Variants in IGF1R observed in about 807,000 individuals in gnomAD.
The protein encoded by IGF1R is insulin like growth factor 1 receptor.
A neutral mutation model predicts 144.6 loss-of-function variants in IGF1R; 44 were observed. That is an observed-to-expected ratio of 0.30 (90% CI 0.24 to 0.39). The LOEUF (loss-of-function observed/expected upper bound fraction) is 0.39. IGF1R is among the 10% of genes least tolerant of loss of function. IGF1R has a pLI of 1.00. For missense variants in IGF1R, 1,355 were observed against 1,833.7 expected, an observed-to-expected ratio of 0.74 and a Z score of 4.77; for synonymous variants, 795 against 722.8, an observed-to-expected ratio of 1.10 and a Z score of -1.60.
intron 5 of IGF1R, among the ~76,000 whole-genome samples, chr15:98,903,914 C>CTGCAAGGAAGAGGTGGAGAT (rs1358286678): frequency 6.6e-6 from 1 of 152,126 alleles, no homozygotes; most frequent in Non-Finnish European, 1.5e-5. Flanking sequence ...CCAGGGATGG[C>CTGCAAGGAAGAGGTGGAGAT]TGCAAGGAAG....
intron 2 of IGF1R, among the ~76,000 whole-genome samples, chr15:98,821,210 A>G (rs949815249): frequency 3.9e-5 from 6 of 152,104 alleles, no homozygotes; most frequent in African/African-American, 1.4e-4. Flanking sequence ...CATTGCGCTA[A>G]ATGGCCTGTG....
intron 2 of IGF1R, among the ~76,000 whole-genome samples, chr15:98,844,706 G>T (rs1310963525): frequency 6.6e-6 from 1 of 152,042 alleles, no homozygotes; most frequent in East Asian, 1.9e-4. Context: ...GAAAGTGAGA[G>T]ATTATGGAAA....
At chr15:98,725,339 C>A (rs960793232) in intron 2 of IGF1R, among the ~76,000 whole-genome samples, 3 of 152,176 alleles carry the variant, frequency 2.0e-5, no homozygotes, top group East Asian at 1.9e-4. Context: ...CACAAAAAAA[C>A]CATGTCTAAA....
intron 1 of IGF1R, among the ~76,000 whole-genome samples, chr15:98,683,793 C>T (rs1257199142): frequency 6.6e-6 from 1 of 152,122 alleles, no homozygotes; most frequent in Non-Finnish European, 1.5e-5. Context: ...CAAGAAAGGG[C>T]ACAAAGGCGT....
intron 2 of IGF1R, among the ~76,000 whole-genome samples, chr15:98,774,036 T>C (rs1469675571): frequency 6.6e-6 from 1 of 152,202 alleles, no homozygotes; most frequent in African/African-American, 2.4e-5. Flanking sequence ...TTTTATCTCT[T>C]TGGGATTGGT....
intron 20 of IGF1R, among the ~76,000 whole-genome samples, chr15:98,953,427 C>T (rs2016855175): frequency 6.6e-6 from 1 of 152,148 alleles, no homozygotes; most frequent in South Asian, 2.1e-4. Context: ...AGCCCGTCCT[C>T]AGCCTTATTT....
intron 2 of IGF1R, among the ~76,000 whole-genome samples, chr15:98,877,862 T>G (rs143122227): frequency 1.1e-3 from 175 of 152,360 alleles, no homozygotes; most frequent in African/African-American, 3.8e-3. Flanking sequence ...CATTGCATAC[T>G]CTTCTCTAAA....
intron 2 of IGF1R, among the ~76,000 whole-genome samples, chr15:98,853,753 C>G (rs574337509): frequency 6.6e-6 from 1 of 152,324 alleles, no homozygotes; most frequent in Non-Finnish European, 1.5e-5. Flanking sequence ...GCCCTGCGCC[C>G]CGTCTCAGCC....
intron 2 of IGF1R, among the ~76,000 whole-genome samples, chr15:98,849,696 CAG>C (rs776900329): frequency 1.5e-4 from 23 of 152,144 alleles, no homozygotes; most frequent in Admixed American, 4.6e-4. Context: ...CAAAGTAAAA[CAG>C]AGCTCCTAGA....
chr15:98,904,639 G>T (rs1041523603), intron 5 of IGF1R, among the ~76,000 whole-genome samples: 2 of 152,186 alleles, frequency 1.3e-5, no homozygotes, highest in African/African-American at 4.8e-5. Flanking sequence ...TGTTGCTGAT[G>T]ACAGCCTGTG....
intron 2 of IGF1R, among the ~76,000 whole-genome samples, chr15:98,712,410 C>G (rs2054013744): frequency 1.3e-5 from 2 of 152,032 alleles, no homozygotes; most frequent in African/African-American, 4.8e-5. Flanking sequence ...TTTTGTTCCC[C>G]TGGTTCTTAT....
At chr15:98,666,092 A>G (rs1332260543) in intron 1 of IGF1R, among the ~76,000 whole-genome samples, 2 of 152,214 alleles carry the variant, frequency 1.3e-5, no homozygotes, top group South Asian at 2.1e-4. Context: ...AAAACTTACT[A>G]CTTGAGGCAA....
At chr15:98,879,130 C>G (rs1297088177) in intron 2 of IGF1R, among the ~76,000 whole-genome samples, 1 of 152,202 alleles carries the variant, frequency 6.6e-6, no homozygotes, top group Non-Finnish European at 1.5e-5. Flanking sequence ...TCACAGTGTT[C>G]TTCATTGCCT....
rs1287954927 is a variant in IGF1R at position 98,963,049 on chromosome 15, G to A, written c.*5607G>A. 4.3e-6 allele frequency: 1 copy of A among 233,532 alleles called. No individual in the cohort carries two copies. Among genetic ancestry groups the A allele is most frequent in the Non-Finnish European group, 8.5e-6 (1 of 118,032 alleles). The allele number at this position is 233,532 out of a possible 1,614,324, so 14.5% of individuals were successfully genotyped here. A position where few individuals can be genotyped will look rare whatever the true frequency, so the allele number is the denominator to read the frequency against. ...GGCTCTTAAGTCCAGTAGATTACGG[G>A]TAGTCAGTTGACGAAGATCTGGTTT... On this transcript the variant is annotated 3_prime_UTR_variant, in exon 21 of 21. Coordinates refer to ENST00000650285, the MANE Select transcript of IGF1R (RefSeq NM_000875.5).
At chr15:98,650,246 G>T (rs1464917075) in intron 1 of IGF1R, among the ~76,000 whole-genome samples, 2 of 152,194 alleles carry the variant, frequency 1.3e-5, no homozygotes, top group Non-Finnish European at 1.5e-5. Flanking sequence ...ACGTCTCCAA[G>T]CGCCCGTCGC....
At chr15:98,663,646 G>T (rs1000293045) in intron 1 of IGF1R, among the ~76,000 whole-genome samples, 8 of 152,230 alleles carry the variant, frequency 5.3e-5, no homozygotes, top group African/African-American at 1.9e-4. Flanking sequence ...GAGGAGTCCA[G>T]GCTGGAGACT....
chr15:98,771,885 C>T (rs1240734806), intron 2 of IGF1R, among the ~76,000 whole-genome samples: 7 of 151,988 alleles, frequency 4.6e-5, no homozygotes, highest in Admixed American at 2.0e-4. Flanking sequence ...TTCCCTCCCT[C>T]CTTCCTTCTT....
chr15:98,954,501 A>T (rs1297585877), intron 20 of IGF1R: 1 of 152,242 alleles, frequency 6.6e-6, no homozygotes, highest in African/African-American at 2.4e-5. Context: ...ATAGTAAACA[A>T]GGTCTTGAAT....
chr15:98,661,955 C>CTTTTTTTTTTTTTTTTTTTTT (rs1567062333), intron 1 of IGF1R, among the ~76,000 whole-genome samples: 1 of 108,206 alleles, frequency 9.2e-6, no homozygotes, highest in African/African-American at 4.2e-5. Context: ...TGAATAGGGC[C>CTTTTTTTTTTTTTTTTTTTTT]CTTTTTTTTT....
Sources: allele counts gnomAD v4.1 joint callset (sites outside exome capture counted in the v4.1 genomes callset), GRCh38; gene constraint gnomAD v4.1.1; transcripts MANE v1.5; gene names NCBI Gene and HGNC (gene_info 2026-07-23, HGNC 2026-07-21).